The following SLC30A7 variants were observed in gnomAD, a reference collection of about 807,000 sequenced individuals.
SLC30A7 encodes zinc transporter 7.
Under a neutral mutation model 46.0 loss-of-function variants are expected in SLC30A7, and 35 were observed. The ratio of observed to expected loss-of-function variants is 0.76; its 90% CI spans 0.58 to 1.01. The LOEUF is 1.01. Ranked by LOEUF, SLC30A7 falls within the 50% of genes least tolerant of loss-of-function variation. SLC30A7 has a pLI of 0.00. For missense variants in SLC30A7, 464 were observed against 451.1 expected (o/e 1.03, Z -0.26); for synonymous variants, 147 against 157.8 (o/e 0.93, Z 0.51).
intron 10 of SLC30A7, among the ~76,000 whole-genome samples, chr1:100,974,292 A>G (rs1477697359): frequency 1.3e-5 from 2 of 152,214 alleles, no homozygotes; most frequent in African/African-American, 4.8e-5. Flanking sequence ...GAAGTGATCT[A>G]GTTGAGAGGA....
intron 8 of SLC30A7, among the ~76,000 whole-genome samples, chr1:100,932,185 C>T (rs896814200): frequency 1.3e-4 from 20 of 152,068 alleles, no homozygotes; most frequent in African/African-American, 3.9e-4. Flanking sequence ...GAGGCCGAGG[C>T]GGGTAGATCA....
chr1:100,904,384 A>C (rs1246498902), intron 2 of SLC30A7, among the ~76,000 whole-genome samples: 1 of 151,860 alleles, frequency 6.6e-6, no homozygotes, highest in Non-Finnish European at 1.5e-5. Context: ...TATATTTCCC[A>C]CTTCTCTACC....
intron 8 of SLC30A7, among the ~76,000 whole-genome samples, chr1:100,933,878 G>A (rs935781647): frequency 6.6e-6 from 1 of 152,130 alleles, no homozygotes; most frequent in Non-Finnish European, 1.5e-5. Flanking sequence ...ATTCTTTAAG[G>A]TTCAGTTCTA....
rs778750431 is a variant in SLC30A7, at chr1:100,912,229, C to T, written c.502C>T (p.His168Tyr). Residue 168 changes from histidine (H) to tyrosine (Y), a missense_variant, in exon 5 of 11, where the codon CAT (histidine) becomes TAT (tyrosine). Transcript: ENST00000357650. ...CAAACATGGAGGTCATGGACATTCT[C>T]ATGGCTCTGGTATGATGGTTAGGAC... is the stretch of plus-strand genomic sequence containing the variant. Reference protein sequence around the residue: ...VFKHGGHGHSHGSGHGHSHSL... With the variant: ...VFKHGGHGHSYGSGHGHSHSL... 1.1e-5 allele frequency: 18 copies of T among 1,613,950 alleles called. No individual in the cohort carries two copies. Among genetic ancestry groups the T allele is most frequent in the Non-Finnish European group, 1.4e-5 (17 of 1,179,906 alleles).
rs1422266335 is a variant in SLC30A7, at chr1:100,976,378, G to T, written c.*1521G>T. On this transcript the variant is annotated 3_prime_UTR_variant, in exon 11 of 11. Transcript: ENST00000357650. ...TTTTATTGAGTTTGAATTATTAAAG[G>T]TACAGAGGAAATGTGGTGATGTAGA... The T allele has an allele frequency of 6.6e-6, 1 of 152,168 alleles. No individual in the cohort carries two copies. The highest frequency in any genetic ancestry group is 1.5e-5 in the Non-Finnish European group (1 of 68,022). 9.4% of individuals were successfully genotyped at this position (152,168 alleles called of 1,614,324 possible).
In SLC30A7 at chr1:100,911,796, C is replaced by T. The variant is rs575851801; in HGVS notation, c.385-316C>T. ...TGAATTCCTGACCTCAAGTGATCCG[C>T]CTGCCTCAGCCTCCCAAAGTGCTGA... On this transcript the variant is annotated intron_variant, in intron 4 of 10. Coordinates refer to ENST00000357650, the MANE Select transcript of SLC30A7 (RefSeq NM_133496.5). Among the ~76,000 whole-genome samples, 40 of 152,204 alleles carry T rather than the reference C, an allele frequency of 2.6e-4. 1 individual carries two copies. Among genetic ancestry groups the T allele is most frequent in the Admixed American group, 2.4e-3 (37 of 15,290 alleles).
At chr1:100,950,547 T>G (rs947454698) in intron 8 of SLC30A7, among the ~76,000 whole-genome samples, 1 of 152,180 alleles carries the variant, frequency 6.6e-6, no homozygotes, top group African/African-American at 2.4e-5. Context: ...GCAGAAAACT[T>G]TCACATTGTT....
At chr1:100,946,463 CA>C (rs1654641725) in intron 8 of SLC30A7, among the ~76,000 whole-genome samples, 1 of 152,120 alleles carries the variant, frequency 6.6e-6, no homozygotes, top group South Asian at 2.1e-4. Context: ...TAGATTCCAT[CA>C]ATCCCTAGTT....
At chr1:100,939,442 G>A (rs1022161824) in intron 8 of SLC30A7, among the ~76,000 whole-genome samples, 3 of 152,034 alleles carry the variant, frequency 2.0e-5, no homozygotes, top group Admixed American at 6.6e-5. Flanking sequence ...CAAAGATAAC[G>A]TAGAGGTTAA....
rs549679582 is a variant in SLC30A7 at position 100,912,505 on chromosome 1, C to T, written c.511+267C>T. ...TATAAAATAGACAAATATCAGAAAA[C>T]CACAAAACAAATCTACTTATCAGAA... is the stretch of plus-strand genomic sequence containing the variant. On this transcript the variant is annotated intron_variant, in intron 5 of 10. Transcript: ENST00000357650. Among the ~76,000 whole-genome samples the T allele has an allele frequency of 4.6e-5, 7 of 152,016 alleles. No individual in the cohort carries two copies. The South Asian group carries it at 1.5e-3, about 32-fold the overall frequency.
chr1:100,900,657 A>G (rs1651252110), intron 2 of SLC30A7, among the ~76,000 whole-genome samples: 1 of 152,048 alleles, frequency 6.6e-6, no homozygotes, highest in Non-Finnish European at 1.5e-5. Context: ...AATGTAGTGG[A>G]GTTCTGGGTT....
intron 2 of SLC30A7, among the ~76,000 whole-genome samples, chr1:100,906,559 C>T (rs989360356): frequency 6.6e-6 from 1 of 152,106 alleles, no homozygotes; most frequent in Non-Finnish European, 1.5e-5. Context: ...TCAGTGGCAG[C>T]TGACCTTTGC....
chr1:100,942,571 A>G (rs1489452866), intron 8 of SLC30A7, among the ~76,000 whole-genome samples: 1 of 152,226 alleles, frequency 6.6e-6, no homozygotes, highest in Non-Finnish European at 1.5e-5. Context: ...ATCAGAGTCT[A>G]GCTTTATTCA....
chr1:100,962,464 A>G (rs1436464001), intron 9 of SLC30A7, among the ~76,000 whole-genome samples: 2 of 152,260 alleles, frequency 1.3e-5, no homozygotes, highest in Non-Finnish European at 2.9e-5. Context: ...AGCTAGCCAT[A>G]TGAAAATACT....
chr1:100,896,769 G>A (rs556558414), intron 2 of SLC30A7, 98 bp downstream of exon 2: 1 of 1,015,454 alleles, frequency 9.8e-7, no homozygotes, highest in South Asian at 1.4e-5. Flanking sequence ...GGAGGTTCAG[G>A]TCCTACCTTT....
Position 100,912,694 on chromosome 1 carries a change from G to T in SLC30A7, c.511+456G>T, listed in dbSNP as rs574503492. Among the ~76,000 whole-genome samples, 13 of 151,472 alleles carry T rather than the reference G, an allele frequency of 8.6e-5. 1 individual carries two copies. The South Asian group carries it at 2.7e-3, about 32-fold the overall frequency. On this transcript the variant is annotated intron_variant, in intron 5 of 10. Coordinates refer to ENST00000357650, the MANE Select transcript of SLC30A7 (RefSeq NM_133496.5). ...ACAAAATTAGCCAGGTATGCTGGGT[G>T]ACAGAGTGAGACTCCATCTCAAAAA...
At chr1:100,903,976 TTAA>T (rs1449074129) in intron 2 of SLC30A7, among the ~76,000 whole-genome samples, 9 of 152,218 alleles carry the variant, frequency 5.9e-5, no homozygotes, top group Non-Finnish European at 1.3e-4. Flanking sequence ...ATGTGATTTA[TTAA>T]TAATTAGCAA....
Position 100,975,867 on chromosome 1 carries a change from T to C in SLC30A7, c.*1010T>C, listed in dbSNP as rs915187860. 1.3e-5 allele frequency: 2 copies of C among 150,332 alleles called. No individual in the cohort carries two copies. Among genetic ancestry groups the C allele is most frequent in the African/African-American group, 4.9e-5 (2 of 40,624 alleles). 9.3% of individuals were successfully genotyped at this position (150,332 alleles called of 1,614,324 possible). ...TTTTTTTTTTTTTTAACAATGGATA[T>C]TCTGTAAAATATCCTGTACAAAACA... On this transcript the variant is annotated 3_prime_UTR_variant, in exon 11 of 11. Coordinates refer to ENST00000357650, the MANE Select transcript of SLC30A7 (RefSeq NM_133496.5).
intron 8 of SLC30A7, among the ~76,000 whole-genome samples, chr1:100,950,265 A>G (rs973005509): frequency 6.6e-6 from 1 of 152,218 alleles, no homozygotes; most frequent in African/African-American, 2.4e-5. Context: ...GCAACTAAAT[A>G]TTTTAATATG....
Sources: allele counts gnomAD v4.1 joint callset (sites outside exome capture counted in the v4.1 genomes callset), GRCh38; gene constraint gnomAD v4.1.1; transcripts MANE v1.5; gene names NCBI Gene and HGNC (gene_info 2026-07-23, HGNC 2026-07-21).